SORCS2: variants seen among roughly 807,000 people sequenced by gnomAD.
SORCS2 encodes the protein VPS10 domain-containing receptor SorCS2.
In SORCS2, 100 loss-of-function variants were observed where a neutral mutation model predicts 141.6. That is an observed-to-expected ratio of 0.71 (90% CI 0.60 to 0.83). The LOEUF (loss-of-function observed/expected upper bound fraction) is 0.83, where lower values mean the gene tolerates loss of function less well. Among genes scored for constraint, SORCS2 ranks in the 40% least tolerant of loss-of-function variants. SORCS2 has a pLI of 0.00. For synonymous variants in SORCS2, 789 were observed against 676.9 expected (o/e 1.17, Z -2.57); for missense variants, 1,646 against 1,560.2 (o/e 1.05, Z -0.93).
At chr4:7,273,915 AG>A (rs1258415817) in intron 1 of SORCS2, among the ~76,000 whole-genome samples, 3 of 152,192 alleles carry the variant, frequency 2.0e-5, no homozygotes, top group African/African-American at 7.2e-5. Context: ...CATGGTGTCC[AG>A]GGGACCATGC....
At chr4:7,329,060 G>A (rs1244079073) in intron 1 of SORCS2, among the ~76,000 whole-genome samples, 1 of 152,208 alleles carries the variant, frequency 6.6e-6, no homozygotes, top group Non-Finnish European at 1.5e-5. Context: ...CCACACGGAG[G>A]CGACCGTGGC....
intron 1 of SORCS2, among the ~76,000 whole-genome samples, chr4:7,320,810 G>T (rs1218709837): frequency 2.6e-5 from 4 of 152,100 alleles, no homozygotes; most frequent in Non-Finnish European, 4.4e-5. Context: ...ATTCACACTC[G>T]CTCAGTTCAT....
intron 2 of SORCS2, among the ~76,000 whole-genome samples, chr4:7,514,865 G>A (rs1732878964): frequency 6.6e-6 from 1 of 152,116 alleles, no homozygotes; most frequent in Non-Finnish European, 1.5e-5. Context: ...CCATCAATGG[G>A]ACTGCTGGCA....
At chr4:7,626,998 T>G (rs1719554113) in intron 3 of SORCS2, among the ~76,000 whole-genome samples, 1 of 152,204 alleles carries the variant, frequency 6.6e-6, no homozygotes, top group Non-Finnish European at 1.5e-5. Context: ...TTTTGTTTTA[T>G]TTTTTGAGAC....
At position 7,648,726 on chromosome 4, in the gene SORCS2, G is replaced by A. The variant is rs1427058119; in HGVS notation, c.814-5408G>A. 6.6e-6 allele frequency among the ~76,000 whole-genome samples: 1 copy of A among 152,008 alleles called. No individual in the cohort carries two copies. The stretch of plus-strand genomic sequence containing the variant: ...AATGTGAGCTTGGACCTGCCATGGT[G>A]GAGGAAGAGAGGCTAGAAACCAGGG... On this transcript the variant is annotated intron_variant, in intron 4 of 26. Coordinates refer to ENST00000507866, the MANE Select transcript of SORCS2 (RefSeq NM_020777.3). This position sits in a 1 kb window ranked among gnomAD's most constrained non-coding sequence, Gnocchi z 4.2.
Position 7,247,210 on chromosome 4 carries a change from A to G in SORCS2, c.480+54084A>G, listed in dbSNP as rs533587090. Among the ~76,000 whole-genome samples, 4 of 152,322 alleles carry G rather than the reference A, an allele frequency of 2.6e-5. No homozygotes were observed. In the East Asian group the frequency reaches 7.7e-4, roughly 29 times the overall value. ...CGGGAGTGTGGTGTGGCCTGAGTAC[A>G]GAATTAGGAAGGCTTCAACCACCCA... On this transcript the variant is annotated intron_variant, in intron 1 of 26. Transcript: ENST00000507866.
intron 1 of SORCS2, among the ~76,000 whole-genome samples, chr4:7,212,571 C>T (rs911938597): frequency 1.3e-5 from 2 of 152,240 alleles, no homozygotes; most frequent in Non-Finnish European, 2.9e-5. Context: ...TGCATGTTGG[C>T]TTCCTTCTCA....
chr4:7,196,821 A>G (rs1727199658), intron 1 of SORCS2, among the ~76,000 whole-genome samples: 1 of 152,206 alleles, frequency 6.6e-6, no homozygotes. Context: ...CTAGAGCTAC[A>G]CATCAGAAGA....
In SORCS2 at chr4:7,286,160, C is replaced by T. The variant is rs1716208637; in HGVS notation, c.480+93034C>T. On this transcript the variant is annotated intron_variant, in intron 1 of 26. Coordinates refer to ENST00000507866, the MANE Select transcript of SORCS2 (RefSeq NM_020777.3). This position sits in a 1 kb window ranked among gnomAD's most constrained non-coding sequence, Gnocchi z 4.1. Reference sequence around the variant, plus strand: ...GAGCTGGTAAACAGTCTCCTAGAGTCTCCAGCTGGGTCTCCAGGCCTGTGC... The same window carrying T: ...GAGCTGGTAAACAGTCTCCTAGAGTTTCCAGCTGGGTCTCCAGGCCTGTGC... Among the ~76,000 whole-genome samples, 1 of 152,244 alleles carries T rather than the reference C, an allele frequency of 6.6e-6. No homozygotes were observed. Among genetic ancestry groups the T allele is most frequent in the South Asian group, 2.1e-4 (1 of 4,830 alleles).
At chr4:7,508,034 C>T (rs1171161900) in intron 2 of SORCS2, among the ~76,000 whole-genome samples, 3 of 151,864 alleles carry the variant, frequency 2.0e-5, no homozygotes, top group Non-Finnish European at 4.4e-5. Flanking sequence ...GGACTCACGA[C>T]GGGTACAGGT....
intron 1 of SORCS2, among the ~76,000 whole-genome samples, chr4:7,380,799 G>A (rs1043189968): frequency 1.3e-5 from 2 of 152,220 alleles, no homozygotes; most frequent in African/African-American, 4.8e-5. Flanking sequence ...TTAAAGAAGT[G>A]GGTTAATTAG....
Position 7,714,932 on chromosome 4 carries a change from A to G in SORCS2, c.2124-251A>G, listed in dbSNP as rs962736371. ...CCTACCTGTCTCTGTCCATCCTTTG[A>G]GATTTGCTCACCTCCTCCAGGCAGC... On this transcript the variant is annotated intron_variant, in intron 16 of 26. Coordinates refer to ENST00000507866, the MANE Select transcript of SORCS2 (RefSeq NM_020777.3). 2.0e-5 allele frequency among the ~76,000 whole-genome samples: 3 copies of G among 152,004 alleles called. No homozygotes were observed. The East Asian group carries it at 5.8e-4, about 29-fold the overall frequency.
At chr4:7,198,829 A>G (rs1188000847) in intron 1 of SORCS2, among the ~76,000 whole-genome samples, 2 of 152,162 alleles carry the variant, frequency 1.3e-5, no homozygotes, top group East Asian at 1.9e-4. Flanking sequence ...ACATGGGGAC[A>G]TGCAGAGGGC....
chr4:7,406,077 A>G (rs1254783998), intron 2 of SORCS2, among the ~76,000 whole-genome samples: 4 of 152,040 alleles, frequency 2.6e-5, no homozygotes, highest in African/African-American at 9.7e-5. Flanking sequence ...CCATCATTGT[A>G]TCCTTGGTAC....
intron 4 of SORCS2, among the ~76,000 whole-genome samples, chr4:7,653,281 T>C (rs1721552385): frequency 6.6e-6 from 1 of 152,186 alleles, no homozygotes; most frequent in Admixed American, 6.5e-5. Flanking sequence ...TTTGCTCTTG[T>C]TGCTAGGGCT....
rs538730011 is a variant in SORCS2, at chr4:7,338,360, G to A, written c.481-57928G>A. 2.6e-4 allele frequency among the ~76,000 whole-genome samples: 40 copies of A among 151,628 alleles called. No individual in the cohort carries two copies. The East Asian group carries it at 7.2e-3, about 27-fold the overall frequency. On this transcript the variant is annotated intron_variant, in intron 1 of 26. Coordinates refer to ENST00000507866, the MANE Select transcript of SORCS2 (RefSeq NM_020777.3). ...CTGGCTGGATGGATGTCAGTTGGAT[G>A]GATGGATGGATGGATGGATGTCGGT...
intron 2 of SORCS2, chr4:7,431,733 C>T (rs1342409084): frequency 1.3e-5 from 2 of 152,212 alleles, no homozygotes; most frequent in African/African-American, 4.8e-5. Context: ...CCCAGGCCTG[C>T]CCAGCCAATA....
chr4:7,613,354 G>A (rs73216636), intron 3 of SORCS2, among the ~76,000 whole-genome samples: 3,912 of 152,360 alleles, frequency 0.026, 88 homozygotes, highest in African/African-American at 0.058. Context: ...TGTCTGTTCA[G>A]CGGGGCTCTG....
intron 2 of SORCS2, among the ~76,000 whole-genome samples, chr4:7,420,062 G>T (rs539744352): frequency 1.5e-4 from 23 of 152,334 alleles, no homozygotes; most frequent in Non-Finnish European, 2.8e-4. Context: ...AGACAAGAGA[G>T]CATGGATTAT....
Sources: gnomAD v4.1 joint callset for allele counts (sites outside exome capture counted in the v4.1 genomes callset) on GRCh38, gnomAD v4.1.1 for gene constraint, Gnocchi (gnomAD v3.1) non-coding constraint, MANE v1.5 for transcripts, NCBI Gene and HGNC (gene_info 2026-07-23, HGNC 2026-07-21) for gene names.